The following ISCA1 variants were observed in gnomAD, a reference collection of about 807,000 sequenced individuals.
ISCA1 encodes the protein iron-sulfur cluster assembly 1 homolog, mitochondrial.
Under a neutral mutation model 14.7 loss-of-function variants are expected in ISCA1, and 9 were observed. The ratio of observed to expected loss-of-function variants is 0.61; its 90% CI spans 0.37 to 1.07. ISCA1 has a LOEUF of 1.07. ISCA1 is among the 50% of genes least tolerant of loss of function. ISCA1 has a pLI of 0.01. For synonymous variants in ISCA1, 38 were observed against 54.3 expected (o/e 0.70, Z 1.32); for missense variants, 102 against 150.1 (o/e 0.68, Z 1.67).
chr9:86,265,729 A>G lies in ISCA1; in HGVS notation c.*314T>C, dbSNP rs952414975. ...AGAAATGCTGAGGGATGATCAAGCCATCAATAGCGATCTAAGGAGTGCACA... is the reference window on the plus strand; with the variant it reads ...AGAAATGCTGAGGGATGATCAAGCCGTCAATAGCGATCTAAGGAGTGCACA... On this transcript the variant is annotated 3_prime_UTR_variant, in exon 4 of 4. Transcript: ENST00000375991. 1.4e-5 allele frequency: 5 copies of G among 364,878 alleles called. No individual in the cohort carries two copies. Among genetic ancestry groups the G allele is most frequent in the Non-Finnish European group, 2.6e-5 (5 of 191,284 alleles). 22.6% of individuals were successfully genotyped at this position (364,878 alleles called of 1,614,324 possible).
intron 2 of ISCA1, among the ~76,000 whole-genome samples, chr9:86,272,792 G>A (rs1825387869): frequency 6.6e-6 from 1 of 152,140 alleles, no homozygotes; most frequent in South Asian, 2.1e-4. Context: ...ATCTTCCCCT[G>A]TACTTTAAAT....
intron 3 of ISCA1, among the ~76,000 whole-genome samples, chr9:86,268,023 TTGATAA>T (rs1030013354): frequency 6.6e-6 from 1 of 152,124 alleles, no homozygotes; most frequent in African/African-American, 2.4e-5. Flanking sequence ...TACATAATAC[TTGATAA>T]TGATAATAAA....
Position 86,282,448 on chromosome 9 carries a change from G to A in ISCA1, c.11C>T (p.Ser4Phe). The change falls in exon 1 of 4, where the codon TCC becomes TTC. Residue 4 changes from serine to phenylalanine, a missense_variant. Transcript: ENST00000375991. ...AGCCCGGACAGTTGCCCGGACTAAGGAAGCCGACATCTTCGCCGTCCCGGC... is the reference window on the plus strand; with the variant it reads ...AGCCCGGACAGTTGCCCGGACTAAGAAAGCCGACATCTTCGCCGTCCCGGC... MSA[S>F]LVRATVRAVS... The A allele has an allele frequency of 1.9e-6, 3 of 1,553,822 alleles. No homozygotes were observed. Among genetic ancestry groups the A allele is most frequent in the Non-Finnish European group, 2.6e-6 (3 of 1,148,722 alleles).
At chr9:86,280,068 TATG>T (rs1825491069) in intron 1 of ISCA1, among the ~76,000 whole-genome samples, 1 of 152,204 alleles carries the variant, frequency 6.6e-6, no homozygotes, top group Admixed American at 6.5e-5. Context: ...TGAGAACTGC[TATG>T]ATAACATGTA....
intron 1 of ISCA1, among the ~76,000 whole-genome samples, chr9:86,279,994 A>G (rs1383881141): frequency 6.6e-6 from 1 of 152,242 alleles, no homozygotes; most frequent in Non-Finnish European, 1.5e-5. Flanking sequence ...GTAGGACAAC[A>G]GAGTACAGAC....
At chr9:86,278,172 A>G (rs1426980734) in intron 1 of ISCA1, among the ~76,000 whole-genome samples, 3 of 152,232 alleles carry the variant, frequency 2.0e-5, no homozygotes, top group Non-Finnish European at 4.4e-5. Flanking sequence ...ATGTCAACAT[A>G]TCAATTTTCT....
chr9:86,280,789 A>T (rs968442080), intron 1 of ISCA1, among the ~76,000 whole-genome samples: 2 of 152,086 alleles, frequency 1.3e-5, no homozygotes, highest in African/African-American at 4.8e-5. Context: ...AGGTGCATGC[A>T]TGACGGTGCA....
chr9:86,268,880 C>T (rs562205068), intron 3 of ISCA1, among the ~76,000 whole-genome samples: 12 of 152,218 alleles, frequency 7.9e-5, no homozygotes, highest in East Asian at 7.7e-4. Flanking sequence ...CTGCAACCTC[C>T]GCCTCCTGGG....
chr9:86,275,672 A>G (rs907753616), intron 1 of ISCA1, among the ~76,000 whole-genome samples: 1 of 152,194 alleles, frequency 6.6e-6, no homozygotes, highest in African/African-American at 2.4e-5. Context: ...GTGTATATAC[A>G]TTTCTTATTA....
intron 1 of ISCA1, among the ~76,000 whole-genome samples, chr9:86,279,777 C>T (rs781559157): frequency 5.3e-5 from 8 of 152,296 alleles, no homozygotes; most frequent in South Asian, 2.1e-4. Flanking sequence ...AGGCCTTTGA[C>T]GGCATCACTA....
At chr9:86,276,899 C>T (rs1257007675) in intron 1 of ISCA1, among the ~76,000 whole-genome samples, 1 of 86,212 alleles carries the variant, frequency 1.2e-5, no homozygotes, top group Non-Finnish European at 2.3e-5. Context: ...AAAAAAAAGG[C>T]ATAGCCATGG....
At chr9:86,279,216 C>T (rs1825479400) in intron 1 of ISCA1, among the ~76,000 whole-genome samples, 2 of 152,214 alleles carry the variant, frequency 1.3e-5, no homozygotes, top group African/African-American at 4.8e-5. Flanking sequence ...ACAATGAATT[C>T]ATCAAGAATG....
At chr9:86,281,380 G>C (rs998341253) in intron 1 of ISCA1, among the ~76,000 whole-genome samples, 7 of 152,154 alleles carry the variant, frequency 4.6e-5, no homozygotes, top group Non-Finnish European at 1.0e-4. Context: ...AGATGCAACA[G>C]AATCGATGAG....
In ISCA1 at chr9:86,274,255, AATG is replaced by A. The variant is rs768722909; in HGVS notation, c.82-16_82-14del. On this transcript the variant is annotated splice_polypyrimidine_tract_variant and intron_variant, in intron 1 of 3. Coordinates refer to ENST00000375991, the MANE Select transcript of ISCA1 (RefSeq NM_030940.4). The stretch of plus-strand genomic sequence containing the variant: ...CTGCTGAAGGTGTCTGAAAAAAGAA[AATG>A]ATGTTTTTAGCTACAAAACTTGTTA... 3.2e-6 allele frequency: 5 copies of A among 1,563,438 alleles called. No individual in the cohort carries two copies. Among genetic ancestry groups the A allele is most frequent in the Non-Finnish European group, 2.6e-6 (3 of 1,134,796 alleles).
At chr9:86,270,586 T>C (rs1425760144) in intron 3 of ISCA1, among the ~76,000 whole-genome samples, 5 of 151,948 alleles carry the variant, frequency 3.3e-5, no homozygotes, top group African/African-American at 7.3e-5. Context: ...AGCCATCCCA[T>C]TACTGGGTAT....
intron 3 of ISCA1, among the ~76,000 whole-genome samples, chr9:86,269,757 G>C (rs1169631729): frequency 6.6e-6 from 1 of 151,090 alleles, no homozygotes; most frequent in Admixed American, 6.6e-5. Flanking sequence ...TAGATCAATG[G>C]AACAGAACAG....
rs1057029768 is a variant in ISCA1, at chr9:86,264,882, G to A, written c.*1161C>T. On this transcript the variant is annotated 3_prime_UTR_variant, in exon 4 of 4. Transcript: ENST00000375991. ...TTAAAGAAAAGTTGGTGATAAATAT[G>A]TTAGGCTAAAATACTAAGAACTTTA... 6.6e-6 allele frequency: 1 copy of A among 152,146 alleles called. No homozygotes were observed. The highest frequency in any genetic ancestry group is 6.5e-5 in the Admixed American group (1 of 15,270). 9.4% of individuals were successfully genotyped at this position (152,146 alleles called of 1,614,324 possible). A position where few individuals can be genotyped will look rare whatever the true frequency, so the allele number is the denominator to read the frequency against.
intron 1 of ISCA1, among the ~76,000 whole-genome samples, chr9:86,281,403 G>A (rs558588459): frequency 6.6e-6 from 1 of 151,890 alleles, no homozygotes; most frequent in African/African-American, 2.4e-5. Flanking sequence ...AATTTAAATC[G>A]TTTTTTTTCC....
chr9:86,279,225 T>C (rs749313964), intron 1 of ISCA1, among the ~76,000 whole-genome samples: 3 of 152,252 alleles, frequency 2.0e-5, no homozygotes, highest in Non-Finnish European at 4.4e-5. Context: ...TCATCAAGAA[T>C]GATAGTGGCT....
Sources: gnomAD v4.1 joint callset for allele counts (sites outside exome capture counted in the v4.1 genomes callset) on GRCh38, gnomAD v4.1.1 for gene constraint, MANE v1.5 for transcripts, NCBI Gene and HGNC (gene_info 2026-07-23, HGNC 2026-07-21) for gene names.